The following PRKCA variants were observed in gnomAD, a reference collection of about 807,000 sequenced individuals.
PRKCA encodes protein kinase C alpha, also known as protein kinase C alpha type.
Under a neutral mutation model 87.0 loss-of-function variants are expected in PRKCA, and 27 were observed. That is an observed-to-expected ratio of 0.31 (90% confidence interval 0.23 to 0.43). The LOEUF (loss-of-function observed/expected upper bound fraction) is 0.43. Among genes scored for constraint, PRKCA ranks in the 20% least tolerant of loss-of-function variants. PRKCA has a pLI of 1.00. For missense variants in PRKCA, 518 were observed against 852.3 expected, an observed-to-expected ratio of 0.61 and a Z score of 4.88; for synonymous variants, 329 against 311.1, an observed-to-expected ratio of 1.06 and a Z score of -0.61.
At position 66,731,224 on chromosome 17, in the gene PRKCA, A is replaced by G. The variant is rs558329381; in HGVS notation, c.919-1464A>G. Among the ~76,000 whole-genome samples, 17 of 152,106 alleles carry G rather than the reference A, an allele frequency of 1.1e-4. No homozygotes were observed. The South Asian group carries it at 3.5e-3, about 32-fold the overall frequency. On this transcript the variant is annotated intron_variant, in intron 8 of 16. Coordinates refer to ENST00000413366, the MANE Select transcript of PRKCA (RefSeq NM_002737.3). ...AAAAATTAGCCATGCATGGTGGCGA[A>G]TCCCAGCTACTCAAGAGGCTGAGGC...
intron 2 of PRKCA, among the ~76,000 whole-genome samples, chr17:66,430,520 GTCTC>G (rs143196161): frequency 6.6e-6 from 1 of 151,904 alleles, no homozygotes; most frequent in East Asian, 2.0e-4. Flanking sequence ...TTAAGGGGTG[GTCTC>G]TCTCTCTCAG....
chr17:66,555,972 C>T (rs1968482583), intron 3 of PRKCA, among the ~76,000 whole-genome samples: 1 of 152,052 alleles, frequency 6.6e-6, no homozygotes, highest in African/African-American at 2.4e-5. Context: ...TTGTCAAATG[C>T]ATTTTCCTCT....
chr17:66,512,818 G>T (rs2144180681), intron 3 of PRKCA, among the ~76,000 whole-genome samples: 1 of 152,118 alleles, frequency 6.6e-6, no homozygotes, highest in South Asian at 2.1e-4. Context: ...TCAGCCTCTT[G>T]AGTGGCTGGG....
Position 66,546,502 on chromosome 17 carries a change from C to G in PRKCA, c.288+50219C>G, listed in dbSNP as rs150771011. Among the ~76,000 whole-genome samples, 398 of 152,336 alleles carry G rather than the reference C, an allele frequency of 2.6e-3. 3 individuals are homozygous for G. Among genetic ancestry groups the G allele is most frequent in the African/African-American group, 8.9e-3 (372 of 41,580 alleles). ...GCATTTTCCTACGTTGTGTTAGTTG[C>G]CGCTAATCCTCTATGTTCATTGGCT... On this transcript the variant is annotated intron_variant, in intron 3 of 16. Transcript: ENST00000413366.
At chr17:66,776,130 T>C (rs535251728) in intron 14 of PRKCA, among the ~76,000 whole-genome samples, 3 of 152,248 alleles carry the variant, frequency 2.0e-5, no homozygotes, top group African/African-American at 4.8e-5. Flanking sequence ...TAGAGCAGAA[T>C]TGAGCTAGAG....
chr17:66,478,786 C>G (rs1355983387), intron 2 of PRKCA, among the ~76,000 whole-genome samples: 1 of 152,140 alleles, frequency 6.6e-6, no homozygotes, highest in African/African-American at 2.4e-5. Flanking sequence ...TCCTTATAGA[C>G]TTTTTCTCTT....
intron 2 of PRKCA, among the ~76,000 whole-genome samples, chr17:66,356,902 A>C (rs988929806): frequency 6.6e-6 from 1 of 152,078 alleles, no homozygotes; most frequent in African/African-American, 2.4e-5. Context: ...CTACAGCCAC[A>C]CCACCATGCC....
chr17:66,340,521 T>C (rs747957408), intron 2 of PRKCA, among the ~76,000 whole-genome samples: 2 of 152,140 alleles, frequency 1.3e-5, no homozygotes, highest in South Asian at 2.1e-4. Context: ...AACAGTGATT[T>C]CTTTTTTCTC....
At chr17:66,545,238 C>T (rs28429150) in intron 3 of PRKCA, among the ~76,000 whole-genome samples, 58 of 152,188 alleles carry the variant, frequency 3.8e-4, no homozygotes, top group African/African-American at 1.2e-3. Flanking sequence ...ACCATCCTGG[C>T]TAACACGGTG....
At chr17:66,800,313 G>T (rs577718884) in intron 16 of PRKCA, among the ~76,000 whole-genome samples, 7 of 152,364 alleles carry the variant, frequency 4.6e-5, no homozygotes, top group African/African-American at 1.7e-4. Context: ...GCAGCACTCA[G>T]TGTGACTGCA....
chr17:66,805,509 A>G lies in PRKCA; in HGVS notation c.*1472A>G, dbSNP rs978138889. 1.3e-5 allele frequency: 2 copies of G among 152,366 alleles called. No homozygotes were observed. Among genetic ancestry groups the G allele is most frequent in the South Asian group, 4.1e-4 (2 of 4,826 alleles). 9.4% of individuals were successfully genotyped at this position (152,366 alleles called of 1,614,324 possible). ...CTGTATCAGATAGATTACTTTTTAA[A>G]TGTAGATAAAATTTCAAAAATGAAT... On this transcript the variant is annotated 3_prime_UTR_variant, in exon 17 of 17. Coordinates refer to ENST00000413366, the MANE Select transcript of PRKCA (RefSeq NM_002737.3).
intron 5 of PRKCA, among the ~76,000 whole-genome samples, chr17:66,675,910 T>G (rs1380521366): frequency 1.3e-5 from 2 of 152,198 alleles, no homozygotes; most frequent in Non-Finnish European, 2.9e-5. Context: ...AGGGTTTGTG[T>G]GCCTGCATGG....
At chr17:66,566,611 T>C (rs72845923) in intron 3 of PRKCA, among the ~76,000 whole-genome samples, 17,320 of 151,664 alleles carry the variant, frequency 0.11, 1,076 homozygotes, top group East Asian at 0.16. Context: ...TAGGAAAAGG[T>C]AACCTACTAA....
chr17:66,509,200 G>A (rs1479246099), intron 3 of PRKCA, among the ~76,000 whole-genome samples: 1 of 150,818 alleles, frequency 6.6e-6, no homozygotes, highest in Non-Finnish European at 1.5e-5. Context: ...GTGTGTGTGT[G>A]TGTGTGTGTA....
rs1455877665 is a variant in PRKCA, at chr17:66,571,434, A to G, written c.289-69921A>G. On this transcript the variant is annotated intron_variant, in intron 3 of 16. Transcript: ENST00000413366. ...ACAAATTACAACATGCCACATTAGG[A>G]ATAAGTTTGACACACCTTAATCATT... Among the ~76,000 whole-genome samples, 3 of 152,196 alleles carry G rather than the reference A, an allele frequency of 2.0e-5. No homozygotes were observed. In the East Asian group the frequency reaches 5.8e-4, roughly 29 times the overall value.
chr17:66,518,575 G>C (rs898818087), intron 3 of PRKCA, among the ~76,000 whole-genome samples: 1 of 152,084 alleles, frequency 6.6e-6, no homozygotes, highest in African/African-American at 2.4e-5. Context: ...ATCTTCTTAG[G>C]GAAATTGATG....
intron 8 of PRKCA, among the ~76,000 whole-genome samples, chr17:66,727,860 C>G (rs531288653): frequency 1.3e-5 from 2 of 152,258 alleles, no homozygotes; most frequent in Admixed American, 6.5e-5. Context: ...TGCCCTGGCG[C>G]CCTGCCCACC....
intron 2 of PRKCA, among the ~76,000 whole-genome samples, chr17:66,307,476 G>A (rs1158579552): frequency 1.3e-5 from 2 of 152,100 alleles, no homozygotes; most frequent in African/African-American, 2.4e-5. Flanking sequence ...GATATTTTTC[G>A]TTTGGGTGGG....
intron 8 of PRKCA, among the ~76,000 whole-genome samples, chr17:66,721,039 G>C (rs985500829): frequency 2.0e-5 from 3 of 152,144 alleles, no homozygotes; most frequent in African/African-American, 4.8e-5. Context: ...GAATTTCATG[G>C]AAGAAAGAAT....
Sources: gnomAD v4.1 joint callset for allele counts (sites outside exome capture counted in the v4.1 genomes callset) on GRCh38, gnomAD v4.1.1 for gene constraint, MANE v1.5 for transcripts, NCBI Gene and HGNC (gene_info 2026-07-23, HGNC 2026-07-21) for gene names.